The following UBE2D2 variants were observed in gnomAD, a reference collection of about 807,000 sequenced individuals.
The protein encoded by UBE2D2 is ubiquitin-conjugating enzyme E2 D2.
In UBE2D2, 2 loss-of-function variants were observed where a neutral mutation model predicts 24.2. The ratio of observed to expected loss-of-function variants is 0.08; its 90% confidence interval spans 0.03 to 0.26. UBE2D2 has a LOEUF of 0.26. Ranked by LOEUF, UBE2D2 falls within the 10% of genes least tolerant of loss-of-function variation. The pLI is 1.00. For synonymous variants in UBE2D2, 58 were observed against 56.5 expected (o/e 1.03, Z -0.12); for missense variants, 44 against 177.6 (o/e 0.25, Z 4.28).
At chr5:139,543,003 T>A (rs1300156014) in intron 1 of UBE2D2, among the ~76,000 whole-genome samples, 2 of 151,950 alleles carry the variant, frequency 1.3e-5, no homozygotes, top group Non-Finnish European at 2.9e-5. Context: ...TTCAAGCGAT[T>A]CTCCTGCCTC....
At chr5:139,550,936 G>A (rs1303498849) in intron 1 of UBE2D2, among the ~76,000 whole-genome samples, 1 of 152,092 alleles carries the variant, frequency 6.6e-6, no homozygotes. Flanking sequence ...GTGAGACCAA[G>A]AACCCACCAA....
upstream of UBE2D2, among the ~76,000 whole-genome samples, chr5:139,556,719 ATAT>A (rs1272918596): frequency 1.3e-5 from 2 of 152,216 alleles, no homozygotes; most frequent in Non-Finnish European, 2.9e-5. Flanking sequence ...AAATAAAAGG[ATAT>A]TATGAGTAAC....
intron 1 of UBE2D2, among the ~76,000 whole-genome samples, chr5:139,574,636 G>T (rs1753428661): frequency 6.6e-6 from 1 of 151,250 alleles, no homozygotes; most frequent in African/African-American, 2.4e-5. Context: ...ACTCTCCTGG[G>T]CAAAGTTCTT....
chr5:139,615,874 C>T (rs1266007294), intron 5 of UBE2D2, among the ~76,000 whole-genome samples: 8 of 121,474 alleles, frequency 6.6e-5, no homozygotes, highest in South Asian at 2.5e-4. Flanking sequence ...CTCACTCTGT[C>T]GCCCAGGCTA....
intron 1 of UBE2D2, among the ~76,000 whole-genome samples, chr5:139,573,285 G>C (rs1753393392): frequency 6.8e-6 from 1 of 146,186 alleles, no homozygotes; most frequent in Admixed American, 7.0e-5. Flanking sequence ...CTGGACGACA[G>C]AGCGAAACTC....
Position 139,599,835 on chromosome 5 carries a change from G to A in UBE2D2, c.25-537G>A, listed in dbSNP as rs373961487. ...GTTTGTTTTTTTGAAATGGAGTCTC[G>A]CTCTATCACCCAGGCTGGAGTGCAG... On this transcript the variant is annotated intron_variant, in intron 1 of 6. Coordinates refer to ENST00000398733, the MANE Select transcript of UBE2D2 (RefSeq NM_003339.3). Among the ~76,000 whole-genome samples the A allele has an allele frequency of 2.7e-4, 41 of 151,866 alleles. No individual in the cohort carries two copies. In the East Asian group the frequency reaches 7.0e-3, roughly 26 times the overall value.
intron 1 of UBE2D2, among the ~76,000 whole-genome samples, chr5:139,533,312 G>C (rs1752620784): frequency 6.6e-6 from 1 of 151,844 alleles, no homozygotes. Flanking sequence ...TAAAATGAAT[G>C]AAATTGATGG....
chr5:139,625,148 C>T (rs1475477805), intron 6 of UBE2D2, among the ~76,000 whole-genome samples: 1 of 138,494 alleles, frequency 7.2e-6, no homozygotes. Context: ...GTGTCAAACT[C>T]ATGGGCTCAA....
rs138217969 is a variant in UBE2D2, at chr5:139,592,996, C to CTT, written c.25-7360_25-7359dup. 8.8e-3 allele frequency among the ~76,000 whole-genome samples: 1,104 copies of CTT among 124,774 alleles called. 14 individuals carry two copies. The highest frequency in any genetic ancestry group is 0.04 in the Middle Eastern group (8 of 200). 81.9% of individuals were successfully genotyped at this position (124,774 alleles called of 152,430 possible). A position where few individuals can be genotyped will look rare whatever the true frequency, so the allele number is the denominator to read the frequency against. ...ATGATTCTCAGACATTTCTTTTTTC[C>CTT]TTTTTTTTTTTTTTTTTGAGGCAGA... is the stretch of plus-strand genomic sequence containing the variant. On this transcript the variant is annotated intron_variant, in intron 1 of 6. Transcript: ENST00000398733.
At chr5:139,611,520 A>G (rs1481991774) in intron 2 of UBE2D2, among the ~76,000 whole-genome samples, 2 of 152,132 alleles carry the variant, frequency 1.3e-5, no homozygotes, top group Non-Finnish European at 2.9e-5. Context: ...AGATGGCGAC[A>G]TTCTTAGTGT....
chr5:139,557,305 T>TA (rs1156382427), upstream of UBE2D2, among the ~76,000 whole-genome samples: 2 of 151,950 alleles, frequency 1.3e-5, no homozygotes, highest in African/African-American at 4.8e-5. Flanking sequence ...GCTAATTTTG[T>TA]ATTTTTTTTT....
chr5:139,577,969 A>G (rs950644912), intron 1 of UBE2D2, among the ~76,000 whole-genome samples: 11 of 152,188 alleles, frequency 7.2e-5, no homozygotes, highest in Non-Finnish European at 1.5e-4. Context: ...TCCTTGCGCA[A>G]ATGCCAGGAA....
At chr5:139,603,231 T>C (rs1754119053) in intron 2 of UBE2D2, among the ~76,000 whole-genome samples, 1 of 152,252 alleles carries the variant, frequency 6.6e-6, no homozygotes, top group South Asian at 2.1e-4. Flanking sequence ...GGGGATTTGA[T>C]TTCAATTTTG....
intron 1 of UBE2D2, among the ~76,000 whole-genome samples, chr5:139,586,167 G>T (rs1003994529): frequency 6.6e-6 from 1 of 151,432 alleles, no homozygotes; most frequent in Admixed American, 6.6e-5. Flanking sequence ...TGAAGATAAA[G>T]ATTATCTGGG....
At chr5:139,563,866 C>T (rs1753162203) in intron 1 of UBE2D2, among the ~76,000 whole-genome samples, 1 of 151,924 alleles carries the variant, frequency 6.6e-6, no homozygotes, top group African/African-American at 2.4e-5. Flanking sequence ...ACCGGGGAGG[C>T]GGAGCTTGCA....
chr5:139,536,759 G>T (rs1752686100), intron 1 of UBE2D2, among the ~76,000 whole-genome samples: 1 of 152,014 alleles, frequency 6.6e-6, no homozygotes, highest in South Asian at 2.1e-4. Context: ...CAAAGTGCTG[G>T]GATTACAGGT....
chr5:139,527,352 C>G (rs1181451236), intron 1 of UBE2D2, among the ~76,000 whole-genome samples: 1 of 152,044 alleles, frequency 6.6e-6, no homozygotes, highest in Non-Finnish European at 1.5e-5. Flanking sequence ...AAGGAAAGAC[C>G]AGCAGAGAGA....
At chr5:139,576,483 A>T (rs903090393) in intron 1 of UBE2D2, among the ~76,000 whole-genome samples, 4 of 151,760 alleles carry the variant, frequency 2.6e-5, no homozygotes, top group African/African-American at 7.3e-5. Flanking sequence ...TAACCCAAAG[A>T]TGATTTTTTT....
At chr5:139,590,740 C>T (rs916861916) in intron 1 of UBE2D2, among the ~76,000 whole-genome samples, 1 of 141,572 alleles carries the variant, frequency 7.1e-6, no homozygotes, top group Non-Finnish European at 1.5e-5. Flanking sequence ...TAAGACTGGG[C>T]CAAGCTGGGT....
Sources: gnomAD v4.1 joint callset for allele counts (sites outside exome capture counted in the v4.1 genomes callset) on GRCh38, gnomAD v4.1.1 for gene constraint, MANE v1.5 for transcripts, NCBI Gene and HGNC (gene_info 2026-07-23, HGNC 2026-07-21) for gene names.